The following RALGAPA2 variants were observed in gnomAD, a reference collection of about 807,000 sequenced individuals.
RALGAPA2 encodes the protein ral GTPase-activating protein subunit alpha-2.
In RALGAPA2, 139 loss-of-function variants were observed where a neutral mutation model predicts 230.4. The ratio of observed to expected loss-of-function variants is 0.60; its 90% CI spans 0.53 to 0.69. The LOEUF is 0.69. Ranked by LOEUF, RALGAPA2 falls within the 30% of genes least tolerant of loss-of-function variation. The probability of loss-of-function intolerance (pLI) is 0.00; values close to 1 mark genes in which losing one functional copy is unlikely to be tolerated. For synonymous variants in RALGAPA2, 847 were observed against 837.8 expected, an observed-to-expected ratio of 1.01 and a Z score of -0.19; for missense variants, 2,163 against 2,276.0, an observed-to-expected ratio of 0.95 and a Z score of 1.01.
chr20:20,542,027 A>G (rs2063656629), intron 24 of RALGAPA2, among the ~76,000 whole-genome samples: 1 of 152,222 alleles, frequency 6.6e-6, no homozygotes, highest in African/African-American at 2.4e-5. Flanking sequence ...ATCAGCCCAA[A>G]AACTCTTTAA....
intron 37 of RALGAPA2, among the ~76,000 whole-genome samples, chr20:20,464,333 C>T (rs954094179): frequency 6.6e-6 from 1 of 152,148 alleles, no homozygotes; most frequent in African/African-American, 2.4e-5. Flanking sequence ...TTCCTTTAGG[C>T]ATTACAAGCC....
intron 9 of RALGAPA2, 118 bp downstream of exon 9, chr20:20,635,300 T>C: frequency 1.8e-6 from 2 of 1,100,502 alleles, no homozygotes; most frequent in Non-Finnish European, 2.7e-6. Context: ...ATAAAATCAC[T>C]TACCTATAAC....
chr20:20,674,898 T>C (rs2068264029), intron 3 of RALGAPA2, among the ~76,000 whole-genome samples: 1 of 152,160 alleles, frequency 6.6e-6, no homozygotes, highest in Non-Finnish European at 1.5e-5. Context: ...TGAAAAAGGA[T>C]GGTGGAAGAG....
intron 34 of RALGAPA2, among the ~76,000 whole-genome samples, chr20:20,504,150 A>G (rs554871465): frequency 3.3e-5 from 5 of 152,228 alleles, no homozygotes; most frequent in Non-Finnish European, 7.3e-5. Flanking sequence ...TCTGTGCCAA[A>G]TAGAGTAAAC....
rs544491429 is a variant in RALGAPA2 at position 20,711,845 on chromosome 20, T to C, written c.106+530A>G. Among the ~76,000 whole-genome samples, 52 of 152,258 alleles carry C rather than the reference T, an allele frequency of 3.4e-4. No individual in the cohort carries two copies. In the South Asian group the frequency reaches 7.3e-3, roughly 21 times the overall value. On this transcript the variant is annotated intron_variant, in intron 1 of 39. Transcript: ENST00000202677. Reference sequence around the variant, plus strand: ...GGGAAGACAGATGACAAATCTGTGCTGGGATCGCCTGGAATCTCGGTCTAT... The same window carrying C: ...GGGAAGACAGATGACAAATCTGTGCCGGGATCGCCTGGAATCTCGGTCTAT...
At chr20:20,586,362 A>G (rs1320038106) in intron 18 of RALGAPA2, among the ~76,000 whole-genome samples, 1 of 152,238 alleles carries the variant, frequency 6.6e-6, no homozygotes, top group East Asian at 1.9e-4. Context: ...CATGTGGTGC[A>G]AGAAACAAAT....
At chr20:20,691,661 CAGGGCCA>C (rs2068914163) in intron 1 of RALGAPA2, among the ~76,000 whole-genome samples, 1 of 152,188 alleles carries the variant, frequency 6.6e-6, no homozygotes. Flanking sequence ...CACTTCTCTC[CAGGGCCA>C]ATAGCAGATA....
intron 16 of RALGAPA2, among the ~76,000 whole-genome samples, chr20:20,601,104 AAAAAG>A (rs1372547572): frequency 6.6e-6 from 1 of 152,180 alleles, no homozygotes; most frequent in Non-Finnish European, 1.5e-5. Flanking sequence ...TGTCTCAAAA[AAAAAG>A]AAAAGAGAAG....
chr20:20,423,372 C>T (rs1002411297), intron 37 of RALGAPA2, among the ~76,000 whole-genome samples: 19 of 152,076 alleles, frequency 1.2e-4, no homozygotes, highest in African/African-American at 4.3e-4. Context: ...TGTTAGGGAA[C>T]CACCCCCACC....
In RALGAPA2 at chr20:20,590,714, C is replaced by T. The variant is rs145175317; in HGVS notation, c.2341+463G>A. 7.2e-3 allele frequency among the ~76,000 whole-genome samples: 1,097 copies of T among 152,278 alleles called. 10 individuals are homozygous for T. Among genetic ancestry groups the T allele is most frequent in the African/African-American group, 0.025 (1,053 of 41,538 alleles). On this transcript the variant is annotated intron_variant, in intron 17 of 39. Coordinates refer to ENST00000202677, the MANE Select transcript of RALGAPA2 (RefSeq NM_020343.4). ...TTATTATTTTCCATCTCAGCAGAGT[C>T]GGCAAGCTGTTAATAAACTTTTTCA...
chr20:20,676,223 C>A lies in RALGAPA2; in HGVS notation c.270+13G>T. The A allele has an allele frequency of 6.7e-7, 1 of 1,499,186 alleles. No homozygotes were observed. Among genetic ancestry groups the A allele is most frequent in the South Asian group, 1.2e-5 (1 of 81,524 alleles). 92.9% of individuals were successfully genotyped at this position (1,499,186 alleles called of 1,614,324 possible). On this transcript the variant is annotated intron_variant, in intron 3 of 39. Transcript: ENST00000202677. ...AAGAATTATAAAAGCTAAATAAACT[C>A]ATCAAAACTTACTTCAAAAAGGAAG...
intron 37 of RALGAPA2, among the ~76,000 whole-genome samples, chr20:20,414,495 GT>G (rs2060127453): frequency 1.3e-5 from 2 of 152,256 alleles, no homozygotes; most frequent in Admixed American, 1.3e-4. Context: ...ACAAAGGGAC[GT>G]TTTGCATAAT....
chr20:20,514,305 C>T (rs1243999176), intron 31 of RALGAPA2, among the ~76,000 whole-genome samples: 3 of 152,074 alleles, frequency 2.0e-5, no homozygotes, highest in Non-Finnish European at 2.9e-5. Flanking sequence ...CCTGCTCACC[C>T]GGACTGGTAG....
intron 27 of RALGAPA2, among the ~76,000 whole-genome samples, chr20:20,530,412 C>A (rs186126089): frequency 1.3e-3 from 191 of 152,310 alleles, no homozygotes; most frequent in African/African-American, 4.4e-3. Context: ...CCACCCCCAC[C>A]TCCACTAGGT....
At chr20:20,402,758 C>T (rs1295381731) in intron 38 of RALGAPA2, among the ~76,000 whole-genome samples, 1 of 152,190 alleles carries the variant, frequency 6.6e-6, no homozygotes, top group Non-Finnish European at 1.5e-5. Context: ...CCCCACAGTG[C>T]ACCCTCCCCA....
intron 5 of RALGAPA2, among the ~76,000 whole-genome samples, chr20:20,641,748 G>A (rs1379078629): frequency 6.6e-6 from 1 of 151,988 alleles, no homozygotes; most frequent in African/African-American, 2.4e-5. Context: ...AGCAACTGGA[G>A]TGACTGCCTC....
intron 23 of RALGAPA2, among the ~76,000 whole-genome samples, chr20:20,559,228 C>A (rs1024176478): frequency 1.3e-5 from 2 of 152,212 alleles, no homozygotes; most frequent in African/African-American, 4.8e-5. Flanking sequence ...AAACAGAGGG[C>A]AACCCTGTGG....
In RALGAPA2 at chr20:20,653,562, C is replaced by A. The variant is rs1287668959; in HGVS notation, c.296G>T (p.Arg99Leu). Reference protein sequence around the residue: ...FEKILQFLPERIFFRWHYQSI... With the variant: ...FEKILQFLPELIFFRWHYQSI... ...CTGGTAATGCCATCGAAAGAAAATT[C>A]GTTCAGGTAGAAACTGCAGTATTTT... Residue 99 changes from arginine (R) to leucine (L), a missense_variant, in exon 4 of 40, where the codon CGA (arginine) becomes CTA (leucine). By Grantham distance (102) the Arg-to-Leu change is moderately radical. Coordinates refer to ENST00000202677, the MANE Select transcript of RALGAPA2 (RefSeq NM_020343.4). 1 of 1,499,286 alleles carries A rather than the reference C, an allele frequency of 6.7e-7. No homozygotes were observed. Among genetic ancestry groups the A allele is most frequent in the Non-Finnish European group, 9.1e-7 (1 of 1,104,260 alleles). The allele number at this position is 1,499,286 out of a possible 1,614,324, so 92.9% of individuals were successfully genotyped here. A position where few individuals can be genotyped will look rare whatever the true frequency, so the allele number is the denominator to read the frequency against.
intron 3 of RALGAPA2, among the ~76,000 whole-genome samples, chr20:20,673,553 T>C (rs1311196150): frequency 3.3e-5 from 5 of 151,900 alleles, no homozygotes; most frequent in Non-Finnish European, 7.4e-5. Flanking sequence ...TAGAAAAATA[T>C]ATAACTTACC....
Sources: gnomAD v4.1 joint callset for allele counts (sites outside exome capture counted in the v4.1 genomes callset) on GRCh38, gnomAD v4.1.1 for gene constraint, MANE v1.5 for transcripts, NCBI Gene and HGNC (gene_info 2026-07-23, HGNC 2026-07-21) for gene names.